The following NTN4 variants were observed in gnomAD, a reference collection of about 807,000 sequenced individuals.
The protein encoded by NTN4 is netrin-4.
NTN4 carries 32 observed loss-of-function variants against 73.6 expected under a neutral mutation model. The observed-to-expected ratio is 0.44, with a 90% CI of 0.33 to 0.58. The LOEUF is 0.58. Ranked by LOEUF, NTN4 falls within the 20% of genes least tolerant of loss-of-function variation. The pLI is 0.04. For synonymous variants in NTN4, 258 were observed against 287.5 expected (o/e 0.90, Z 1.04); for missense variants, 654 against 798.3 (o/e 0.82, Z 2.18).
intron 3 of NTN4, among the ~76,000 whole-genome samples, chr12:95,717,531 C>G (rs142097770): frequency 6.6e-6 from 1 of 151,934 alleles, no homozygotes; most frequent in Admixed American, 6.6e-5. Context: ...CCAAAAATAG[C>G]TGTAAATCAT....
chr12:95,780,973 A>T (rs1247113608), intron 2 of NTN4, among the ~76,000 whole-genome samples: 1 of 152,240 alleles, frequency 6.6e-6, no homozygotes, highest in African/African-American at 2.4e-5. Flanking sequence ...GCAGCCATAA[A>T]AATTGATGAG....
chr12:95,760,556 T>A (rs1211537725), intron 2 of NTN4, among the ~76,000 whole-genome samples: 1 of 152,176 alleles, frequency 6.6e-6, no homozygotes, highest in African/African-American at 2.4e-5. Context: ...CCTTCCTATG[T>A]GTTGGCTTGG....
At position 95,753,871 on chromosome 12, in the gene NTN4, C is replaced by T. The variant is rs1017686563; in HGVS notation, c.586-15727G>A. ...TCATTCGACACCAGACCAACTTAGACTGTGCCCCAAAAAAACTTGTCATCC... is the reference window on the plus strand; with the variant it reads ...TCATTCGACACCAGACCAACTTAGATTGTGCCCCAAAAAAACTTGTCATCC... On this transcript the variant is annotated intron_variant, in intron 2 of 9. Transcript: ENST00000343702. Among the ~76,000 whole-genome samples, 56 of 152,292 alleles carry T rather than the reference C, an allele frequency of 3.7e-4. No individual in the cohort carries two copies. In the East Asian group the frequency reaches 9.2e-3, roughly 25 times the overall value.
intron 2 of NTN4, among the ~76,000 whole-genome samples, chr12:95,740,657 A>T (rs1240350822): frequency 6.6e-6 from 1 of 152,234 alleles, no homozygotes; most frequent in Admixed American, 6.5e-5. Context: ...ATTAAAGATA[A>T]TAAGTACCTA....
At chr12:95,767,234 G>C (rs2079026647) in intron 2 of NTN4, among the ~76,000 whole-genome samples, 1 of 151,860 alleles carries the variant, frequency 6.6e-6, no homozygotes, top group African/African-American at 2.4e-5. Flanking sequence ...CTTTTCCATG[G>C]AACTCCCTGC....
intron 3 of NTN4, among the ~76,000 whole-genome samples, chr12:95,718,327 A>G (rs2078622727): frequency 6.6e-6 from 1 of 152,190 alleles, no homozygotes; most frequent in South Asian, 2.1e-4. Context: ...TTCAGTAGTC[A>G]GCAATCATGT....
intron 2 of NTN4, among the ~76,000 whole-genome samples, chr12:95,758,583 C>T (rs2078963010): frequency 6.6e-6 from 1 of 151,952 alleles, no homozygotes; most frequent in South Asian, 2.1e-4. Context: ...TTTTTTGAGA[C>T]AGGGTTTTGC....
chr12:95,721,473 C>T (rs1471434646), intron 3 of NTN4, among the ~76,000 whole-genome samples: 1 of 152,154 alleles, frequency 6.6e-6, no homozygotes, highest in Non-Finnish European at 1.5e-5. Flanking sequence ...CTGATGCCTT[C>T]TAGGGGAATT....
chr12:95,708,704 T>C (rs1565891697), intron 5 of NTN4, among the ~76,000 whole-genome samples: 2 of 152,130 alleles, frequency 1.3e-5, no homozygotes, highest in Non-Finnish European at 2.9e-5. Flanking sequence ...CCACCCCACC[T>C]GGCGTAGTTT....
At chr12:95,671,786 C>A (rs879460734) in intron 7 of NTN4, among the ~76,000 whole-genome samples, 1 of 152,180 alleles carries the variant, frequency 6.6e-6, no homozygotes, top group Non-Finnish European at 1.5e-5. Flanking sequence ...ATCAACCTTA[C>A]ATTTCTGGAG....
chr12:95,724,161 C>T (rs1355163440), intron 3 of NTN4, among the ~76,000 whole-genome samples: 1 of 152,140 alleles, frequency 6.6e-6, no homozygotes, highest in East Asian at 1.9e-4. Context: ...TATCATCACG[C>T]ACTTTATCTT....
intron 2 of NTN4, among the ~76,000 whole-genome samples, chr12:95,745,246 C>A (rs906907193): frequency 7.3e-5 from 11 of 151,532 alleles, no homozygotes; most frequent in Non-Finnish European, 1.3e-4. Context: ...TTTTTGTTCC[C>A]CTCCTCTCCC....
Position 95,743,301 on chromosome 12 carries a change from G to T in NTN4, c.586-5157C>A, listed in dbSNP as rs147101592. Among the ~76,000 whole-genome samples, 35 of 151,810 alleles carry T rather than the reference G, an allele frequency of 2.3e-4. No individual in the cohort carries two copies. In the East Asian group the frequency reaches 2.9e-3, roughly 13 times the overall value. On this transcript the variant is annotated intron_variant, in intron 2 of 9. Transcript: ENST00000343702. ...TGTTTTTCTGTTTTTCTTTTTCATT[G>T]GTTTCTGCTTTTATCTTTATTATTT... is the stretch of plus-strand genomic sequence containing the variant.
chr12:95,781,091 T>C lies in NTN4; in HGVS notation c.585+5848A>G, dbSNP rs1473638781. The stretch of plus-strand genomic sequence containing the variant: ...GCATGTTCTCACTTATAGGTGGGAA[T>C]TGAACAATGAGAACACTTGGGCACA... On this transcript the variant is annotated intron_variant, in intron 2 of 9. Transcript: ENST00000343702. The surrounding 1 kb of genome is among the most constrained non-coding windows in gnomAD (Gnocchi z 4.1). Among the ~76,000 whole-genome samples the C allele has an allele frequency of 6.6e-6, 1 of 152,144 alleles. No individual in the cohort carries two copies. Among genetic ancestry groups the C allele is most frequent in the Non-Finnish European group, 1.5e-5 (1 of 68,034 alleles).
intron 2 of NTN4, among the ~76,000 whole-genome samples, chr12:95,751,941 T>C (rs564835981): frequency 3.4e-4 from 49 of 145,342 alleles, no homozygotes; most frequent in African/African-American, 1.1e-3. Context: ...CTTATTAGGC[T>C]GACGCTTTAA....
intron 3 of NTN4, among the ~76,000 whole-genome samples, chr12:95,716,924 C>G (rs568592649): frequency 1.3e-5 from 2 of 152,242 alleles, no homozygotes; most frequent in African/African-American, 4.8e-5. Context: ...ATCCTCCCAT[C>G]TGAGTCTCCC....
chr12:95,768,039 A>T (rs10777728), intron 2 of NTN4, among the ~76,000 whole-genome samples: 26 of 151,900 alleles, frequency 1.7e-4, no homozygotes, highest in African/African-American at 6.3e-4. Context: ...AGTGCTTGAA[A>T]CCATACGAAG....
chr12:95,677,228 CA>C (rs1017015153), intron 7 of NTN4, among the ~76,000 whole-genome samples: 64 of 137,742 alleles, frequency 4.6e-4, no homozygotes, highest in South Asian at 6.9e-4. Context: ...GACTCCAACT[CA>C]AAAAAAAAAA....
chr12:95,715,767 T>G (rs1328048044), intron 3 of NTN4, among the ~76,000 whole-genome samples: 1 of 152,182 alleles, frequency 6.6e-6, no homozygotes, highest in East Asian at 1.9e-4. Context: ...TCAGACATAT[T>G]ACTTTTATTG....
Sources: allele counts gnomAD v4.1 joint callset (sites outside exome capture counted in the v4.1 genomes callset), GRCh38; gene constraint gnomAD v4.1.1; non-coding constraint Gnocchi (gnomAD v3.1); transcripts MANE v1.5; gene names NCBI Gene and HGNC (gene_info 2026-07-23, HGNC 2026-07-21).